Variants in DLG2 observed in about 807,000 individuals in gnomAD.
The protein encoded by DLG2 is disks large homolog 2.
DLG2 carries 45 observed loss-of-function variants against 132.5 expected under a neutral mutation model. The ratio of observed to expected loss-of-function variants is 0.34; its 90% CI spans 0.27 to 0.44. The LOEUF is 0.44. DLG2 is among the 20% of genes least tolerant of loss of function. DLG2 has a pLI of 1.00. For missense variants in DLG2, 1,045 were observed against 1,196.9 expected, an observed-to-expected ratio of 0.87 and a Z score of 1.87; for synonymous variants, 424 against 419.6, an observed-to-expected ratio of 1.01 and a Z score of -0.13.
intron 18 of DLG2, among the ~76,000 whole-genome samples, chr11:83,689,255 C>A (rs1407687182): frequency 2.0e-5 from 3 of 151,904 alleles, no homozygotes; most frequent in South Asian, 4.2e-4. Context: ...ATTGAGATAT[C>A]CAAACAACAA....
intron 8 of DLG2, among the ~76,000 whole-genome samples, chr11:84,207,621 C>T (rs1326130155): frequency 6.6e-6 from 1 of 152,142 alleles, no homozygotes; most frequent in Non-Finnish European, 1.5e-5. Context: ...TTCCTCACAT[C>T]ATACACAACA....
intron 6 of DLG2, among the ~76,000 whole-genome samples, chr11:84,605,403 A>G (rs11234096): frequency 0.27 from 40,889 of 151,782 alleles, 6,168 homozygotes; most frequent in African/African-American, 0.4. Flanking sequence ...ATTTACATCA[A>G]TGATAATAGT....
chr11:84,702,934 C>G (rs1233951919), intron 6 of DLG2, among the ~76,000 whole-genome samples: 2 of 151,498 alleles, frequency 1.3e-5, no homozygotes, highest in African/African-American at 4.8e-5. Context: ...AATTACTTAT[C>G]GAGATAAAAA....
intron 8 of DLG2, among the ~76,000 whole-genome samples, chr11:84,219,352 C>T (rs1024007400): frequency 2.6e-5 from 4 of 152,106 alleles, no homozygotes; most frequent in Admixed American, 1.3e-4. Context: ...TCTATTGTTA[C>T]GGGGAGATTT....
At chr11:83,997,177 A>G (rs2094086342) in intron 11 of DLG2, among the ~76,000 whole-genome samples, 1 of 152,114 alleles carries the variant, frequency 6.6e-6, no homozygotes, top group African/African-American at 2.4e-5. Context: ...CTATTATCAG[A>G]CTTACTGCCT....
At chr11:83,885,264 A>T (rs1484932747) in intron 15 of DLG2, among the ~76,000 whole-genome samples, 4 of 152,252 alleles carry the variant, frequency 2.6e-5, no homozygotes. Flanking sequence ...GAGCTGATGG[A>T]GCTGAAAGCC....
chr11:85,133,215 T>C (rs1441609591), intron 5 of DLG2: 1 of 158,612 alleles, frequency 6.3e-6, no homozygotes, highest in Non-Finnish European at 1.4e-5. Context: ...AGTATACTCA[T>C]AATATTTTCT....
chr11:84,497,384 G>A (rs1382321262), intron 7 of DLG2, among the ~76,000 whole-genome samples: 1 of 152,100 alleles, frequency 6.6e-6, no homozygotes, highest in Non-Finnish European at 1.5e-5. Context: ...TACTACAACT[G>A]TACCCTATGG....
chr11:85,070,251 A>G (rs1434896917), intron 6 of DLG2, among the ~76,000 whole-genome samples: 1 of 151,600 alleles, frequency 6.6e-6, no homozygotes, highest in Non-Finnish European at 1.5e-5. Flanking sequence ...ATGTATACAT[A>G]TGTAACAAAC....
At chr11:83,889,603 T>C (rs568103921) in intron 15 of DLG2, among the ~76,000 whole-genome samples, 92 of 152,280 alleles carry the variant, frequency 6.0e-4, no homozygotes, top group African/African-American at 1.9e-3. Context: ...GCCATCCCAT[T>C]ACTGGGTATA....
intron 7 of DLG2, among the ~76,000 whole-genome samples, chr11:84,417,002 A>G (rs896512460): frequency 1.3e-5 from 2 of 152,226 alleles, no homozygotes; most frequent in Admixed American, 1.3e-4. Flanking sequence ...TAAAGTAGCC[A>G]CACAAAAGCC....
chr11:85,058,167 C>A (rs1189202325), intron 6 of DLG2, among the ~76,000 whole-genome samples: 1 of 151,224 alleles, frequency 6.6e-6, no homozygotes, highest in African/African-American at 2.4e-5. Flanking sequence ...AATCTATAGA[C>A]GAAGCATTAG....
chr11:84,147,781 A>G (rs1460247784), intron 9 of DLG2, among the ~76,000 whole-genome samples: 1 of 152,136 alleles, frequency 6.6e-6, no homozygotes, highest in African/African-American at 2.4e-5. Context: ...CACAAAGTAG[A>G]AGCATATATT....
chr11:84,310,651 T>C (rs1041735699), intron 7 of DLG2, among the ~76,000 whole-genome samples: 2 of 152,218 alleles, frequency 1.3e-5, no homozygotes, highest in Non-Finnish European at 2.9e-5. Context: ...TGCTCTCTTC[T>C]GTTTCCCTTA....
chr11:84,771,461 T>G (rs1332729498), intron 6 of DLG2, among the ~76,000 whole-genome samples: 1 of 152,276 alleles, frequency 6.6e-6, no homozygotes. Context: ...TTAATGGGGT[T>G]GTTTTTTTCT....
At chr11:83,641,319 G>C (rs1254378727) in intron 18 of DLG2, among the ~76,000 whole-genome samples, 1 of 152,136 alleles carries the variant, frequency 6.6e-6, no homozygotes, top group African/African-American at 2.4e-5. Context: ...ACACATAAGA[G>C]GATTAGCCAT....
chr11:84,338,546 C>T (rs937079818), intron 7 of DLG2, among the ~76,000 whole-genome samples: 8 of 152,074 alleles, frequency 5.3e-5, no homozygotes, highest in African/African-American at 1.2e-4. Flanking sequence ...GATATTAGTC[C>T]GGGCACGGTG....
At chr11:85,624,120 T>G (rs1398785221) in intron 2 of DLG2, among the ~76,000 whole-genome samples, 1 of 152,160 alleles carries the variant, frequency 6.6e-6, no homozygotes, top group Admixed American at 6.6e-5. Context: ...AACTGAGATC[T>G]GTAAAAATGC....
chr11:84,478,684 G>GAGTTAATT (rs1772712670), intron 7 of DLG2, among the ~76,000 whole-genome samples: 1 of 152,012 alleles, frequency 6.6e-6, no homozygotes, highest in African/African-American at 2.4e-5. Flanking sequence ...AAATCTTACA[G>GAGTTAATT]AACCAGAGTT....
Sources: gnomAD v4.1 joint callset for allele counts (sites outside exome capture counted in the v4.1 genomes callset) on GRCh38, gnomAD v4.1.1 for gene constraint, MANE v1.5 for transcripts, NCBI Gene and HGNC (gene_info 2026-07-23, HGNC 2026-07-21) for gene names.